Variants in PARD3 observed in about 807,000 individuals in gnomAD.
PARD3 encodes the protein par-3 family cell polarity regulator.
A neutral mutation model predicts 155.4 loss-of-function variants in PARD3; 75 were observed. The observed-to-expected ratio is 0.48, with a 90% confidence interval of 0.40 to 0.58. The LOEUF is 0.58. Ranked by LOEUF, PARD3 falls within the 20% of genes least tolerant of loss-of-function variation. The pLI, the probability that PARD3 is intolerant of heterozygous loss-of-function variation, is 0.00. For missense variants in PARD3, 1,642 were observed against 1,721.7 expected (o/e 0.95, Z 0.82); for synonymous variants, 576 against 610.5 (o/e 0.94, Z 0.83).
intron 22 of PARD3, among the ~76,000 whole-genome samples, chr10:34,222,927 T>G (rs1952382398): frequency 6.6e-6 from 1 of 152,208 alleles, no homozygotes; most frequent in Non-Finnish European, 1.5e-5. Flanking sequence ...CTCACCTCTC[T>G]GGGCAGCACT....
At chr10:34,734,296 TAC>T (rs1420990039) in intron 1 of PARD3, among the ~76,000 whole-genome samples, 76 of 149,822 alleles carry the variant, frequency 5.1e-4, no homozygotes, top group Non-Finnish European at 7.4e-4. Context: ...CATTGAAGAT[TAC>T]ACATATAACA....
At chr10:34,720,692 G>T (rs10827406) in intron 1 of PARD3, among the ~76,000 whole-genome samples, 37,517 of 151,796 alleles carry the variant, frequency 0.25, 5,532 homozygotes, top group East Asian at 0.5. Context: ...AGCTACTTGG[G>T]AGGCTGAGGC....
chr10:34,772,606 A>G (rs1839022987), intron 1 of PARD3, among the ~76,000 whole-genome samples: 1 of 151,954 alleles, frequency 6.6e-6, no homozygotes, highest in Non-Finnish European at 1.5e-5. Context: ...AGCCTGGCCA[A>G]CATAGAGAAA....
At chr10:34,342,778 A>G (rs1589240677) in intron 15 of PARD3, among the ~76,000 whole-genome samples, 2 of 152,196 alleles carry the variant, frequency 1.3e-5, no homozygotes, top group African/African-American at 4.8e-5. Flanking sequence ...TAACCCACAA[A>G]AAGTAAACTT....
chr10:34,180,124 T>A (rs148117408), intron 22 of PARD3, among the ~76,000 whole-genome samples: 200 of 152,258 alleles, frequency 1.3e-3, no homozygotes, highest in Middle Eastern at 3.4e-3. Flanking sequence ...CTCAGCTCAC[T>A]GCAACCTCCC....
intron 21 of PARD3, among the ~76,000 whole-genome samples, chr10:34,273,750 T>C (rs1447832869): frequency 6.6e-6 from 1 of 152,148 alleles, no homozygotes; most frequent in African/African-American, 2.4e-5. Flanking sequence ...GACAGAAAAT[T>C]GTCACATAGC....
At chr10:34,241,042 A>G (rs1282622895) in intron 22 of PARD3, among the ~76,000 whole-genome samples, 1 of 152,194 alleles carries the variant, frequency 6.6e-6, no homozygotes, top group Non-Finnish European at 1.5e-5. Flanking sequence ...CTAGAGTTAC[A>G]CTTAAGAGGG....
intron 2 of PARD3, among the ~76,000 whole-genome samples, chr10:34,587,026 C>T (rs974104413): frequency 5.9e-5 from 9 of 152,146 alleles, no homozygotes; most frequent in African/African-American, 1.9e-4. Context: ...GGGACCACAG[C>T]CCCAAAATTG....
chr10:34,793,775 T>C (rs1164739176), intron 1 of PARD3, among the ~76,000 whole-genome samples: 1 of 126,898 alleles, frequency 7.9e-6, no homozygotes. Flanking sequence ...TGAAACTCCA[T>C]CTCAAAAAAA....
chr10:34,643,403 C>G (rs1247388837), intron 2 of PARD3, among the ~76,000 whole-genome samples: 1 of 152,260 alleles, frequency 6.6e-6, no homozygotes, highest in Admixed American at 6.5e-5. Context: ...CAGCAAACCT[C>G]TGTCCAGTGA....
chr10:34,670,313 C>CGCCAG (rs2093587538), intron 2 of PARD3, among the ~76,000 whole-genome samples: 1 of 152,242 alleles, frequency 6.6e-6, no homozygotes, highest in African/African-American at 2.4e-5. Flanking sequence ...CACACCGGCT[C>CGCCAG]GCCAGGCCGC....
chr10:34,368,633 T>C (rs906011184), intron 12 of PARD3, among the ~76,000 whole-genome samples: 7 of 151,630 alleles, frequency 4.6e-5, no homozygotes, highest in Admixed American at 6.6e-5. Flanking sequence ...GATCGCACCA[T>C]TGCACTCCAG....
At chr10:34,116,699 A>C (rs537418755) in intron 24 of PARD3, among the ~76,000 whole-genome samples, 1 of 152,274 alleles carries the variant, frequency 6.6e-6, no homozygotes, top group South Asian at 2.1e-4. Flanking sequence ...CCGCTGCCCA[A>C]ACTTACATAA....
intron 1 of PARD3, among the ~76,000 whole-genome samples, chr10:34,747,987 G>A (rs1409252764): frequency 6.6e-6 from 1 of 152,186 alleles, no homozygotes; most frequent in Non-Finnish European, 1.5e-5. Context: ...CCTAAACCCA[G>A]GCAGCCATGG....
intron 2 of PARD3, among the ~76,000 whole-genome samples, chr10:34,688,910 T>A (rs1432182828): frequency 1.3e-5 from 2 of 152,212 alleles, no homozygotes; most frequent in East Asian, 1.9e-4. Flanking sequence ...AAAATTTGCA[T>A]CTTCAAGAGC....
At chr10:34,453,058 A>G (rs1249523669) in intron 4 of PARD3, among the ~76,000 whole-genome samples, 1 of 152,194 alleles carries the variant, frequency 6.6e-6, no homozygotes, top group Non-Finnish European at 1.5e-5. Flanking sequence ...ACTTTCTGGC[A>G]CAGGAGTTTC....
chr10:34,581,437 T>A (rs2134258975), intron 2 of PARD3, among the ~76,000 whole-genome samples: 1 of 151,928 alleles, frequency 6.6e-6, no homozygotes, highest in Non-Finnish European at 1.5e-5. Flanking sequence ...GGTTTCACCA[T>A]CTTGGCCAGG....
At chr10:34,747,738 G>A (rs1196508278) in intron 1 of PARD3, among the ~76,000 whole-genome samples, 1 of 152,166 alleles carries the variant, frequency 6.6e-6, no homozygotes, top group Non-Finnish European at 1.5e-5. Context: ...CGATTTAAAA[G>A]CCACTTGTGA....
chr10:34,709,674 C>G (rs567097912), intron 1 of PARD3, among the ~76,000 whole-genome samples: 3 of 152,184 alleles, frequency 2.0e-5, no homozygotes, highest in African/African-American at 7.2e-5. Flanking sequence ...ATGGAGGACT[C>G]AGGGGCAGGA....
Sources: gnomAD v4.1 joint callset for allele counts (sites outside exome capture counted in the v4.1 genomes callset) on GRCh38, gnomAD v4.1.1 for gene constraint, MANE v1.5 for transcripts, NCBI Gene and HGNC (gene_info 2026-07-23, HGNC 2026-07-21) for gene names.